FOCAD: variants seen among roughly 807,000 people sequenced by gnomAD.
The protein encoded by FOCAD is KIAA1797.
FOCAD carries 198 observed loss-of-function variants against 225.6 expected under a neutral mutation model. That is an observed-to-expected ratio of 0.88 (90% CI 0.78 to 0.99). The LOEUF is 0.99. FOCAD is among the 50% of genes least tolerant of loss of function. FOCAD has a pLI of 0.00. For synonymous variants in FOCAD, 897 were observed against 755.0 expected (o/e 1.19, Z -3.08); for missense variants, 2,713 against 2,123.6 (o/e 1.28, Z -5.46).
chr9:20,975,140 G>T (rs1840118844), intron 35 of FOCAD, among the ~76,000 whole-genome samples: 1 of 151,946 alleles, frequency 6.6e-6, no homozygotes, highest in South Asian at 2.1e-4. Flanking sequence ...TGTTGATCCT[G>T]CTCCTTTTGC....
At chr9:20,956,750 A>G (rs566490498) in intron 35 of FOCAD, among the ~76,000 whole-genome samples, 48 of 152,092 alleles carry the variant, frequency 3.2e-4, no homozygotes, top group Non-Finnish European at 6.6e-4. Flanking sequence ...AAATGTTTGG[A>G]AGGAAAAATG....
Position 20,929,609 on chromosome 9 carries a change from A to C in FOCAD, c.3317+13A>C. On this transcript the variant is annotated intron_variant, in intron 27 of 43. Transcript: ENST00000338382. The stretch of plus-strand genomic sequence containing the variant: ...AAGAGAAACTCAGGTACAGTTTATT[A>C]AAATATTCCTGCTTTTCTTCTTTGT... The C allele has an allele frequency of 1.2e-6, 2 of 1,605,080 alleles. No homozygotes were observed. The highest frequency in any genetic ancestry group is 1.7e-6 in the Non-Finnish European group (2 of 1,173,176).
intron 43 of FOCAD, among the ~76,000 whole-genome samples, chr9:20,995,091 A>T (rs1400585393): frequency 1.3e-5 from 2 of 152,190 alleles, no homozygotes; most frequent in Non-Finnish European, 2.9e-5. Context: ...GATATACTTT[A>T]GTATGGTCAT....
intron 5 of FOCAD, among the ~76,000 whole-genome samples, chr9:20,743,551 C>T (rs377724415): frequency 6.6e-6 from 1 of 152,092 alleles, no homozygotes; most frequent in Non-Finnish European, 1.5e-5. Flanking sequence ...CCCTTAGCCC[C>T]TCTGAATTTT....
At chr9:20,839,293 C>T (rs1308655609) in intron 15 of FOCAD, among the ~76,000 whole-genome samples, 60 of 143,204 alleles carry the variant, frequency 4.2e-4, no homozygotes, top group African/African-American at 1.4e-3. Flanking sequence ...AGGTTTACTG[C>T]TGTTGCCCAA....
intron 8 of FOCAD, among the ~76,000 whole-genome samples, chr9:20,778,355 C>G (rs1279898813): frequency 1.1e-4 from 16 of 151,906 alleles, no homozygotes; most frequent in Admixed American, 1.0e-3. Flanking sequence ...GCAATTGCCT[C>G]CTGAGTAGCT....
At chr9:20,941,407 G>A (rs1038547532) in intron 28 of FOCAD, among the ~76,000 whole-genome samples, 10 of 152,248 alleles carry the variant, frequency 6.6e-5, no homozygotes, top group South Asian at 4.2e-4. Flanking sequence ...TTTGTAAAGG[G>A]CAAAGCGCTA....
intron 5 of FOCAD, among the ~76,000 whole-genome samples, chr9:20,746,566 T>C (rs1390324453): frequency 6.6e-6 from 1 of 152,246 alleles, no homozygotes; most frequent in Non-Finnish European, 1.5e-5. Flanking sequence ...TCAGTGTTTT[T>C]GCTCTTTGCC....
chr9:20,803,101 T>C (rs995388433), intron 11 of FOCAD, among the ~76,000 whole-genome samples: 1 of 152,144 alleles, frequency 6.6e-6, no homozygotes, highest in Non-Finnish European at 1.5e-5. Context: ...AAATTTTTAA[T>C]GTTAGAGGTG....
At chr9:20,865,420 T>C (rs1829140401) in intron 16 of FOCAD, among the ~76,000 whole-genome samples, 1 of 152,120 alleles carries the variant, frequency 6.6e-6, no homozygotes, top group Non-Finnish European at 1.5e-5. Context: ...ATGGCTTTTA[T>C]GCTTAATCAA....
chr9:20,801,823 A>C (rs565194363), intron 11 of FOCAD, among the ~76,000 whole-genome samples: 1 of 152,284 alleles, frequency 6.6e-6, no homozygotes, highest in Admixed American at 6.5e-5. Flanking sequence ...TGTAATTGAA[A>C]TGATGGGTTA....
At chr9:20,810,446 C>T (rs965694989) in intron 11 of FOCAD, among the ~76,000 whole-genome samples, 1 of 152,070 alleles carries the variant, frequency 6.6e-6, no homozygotes, top group Non-Finnish European at 1.5e-5. Flanking sequence ...AGGACATTGG[C>T]TTTTAACTTT....
intron 16 of FOCAD, among the ~76,000 whole-genome samples, chr9:20,863,741 C>T (rs1828987712): frequency 6.6e-6 from 1 of 152,070 alleles, no homozygotes; most frequent in Non-Finnish European, 1.5e-5. Flanking sequence ...CACAGGGCTA[C>T]TGATAATGAG....
chr9:20,833,367 A>G (rs956936505), intron 15 of FOCAD, among the ~76,000 whole-genome samples: 13 of 152,118 alleles, frequency 8.5e-5, no homozygotes, highest in Non-Finnish European at 1.5e-4. Flanking sequence ...ATTTATATAA[A>G]TAAAAGTTTG....
intron 2 of FOCAD, among the ~76,000 whole-genome samples, chr9:20,716,366 G>A (rs1042006731): frequency 6.6e-6 from 1 of 151,962 alleles, no homozygotes; most frequent in African/African-American, 2.4e-5. Context: ...ATATTGTTTA[G>A]TGTAGGATGG....
chr9:20,839,382 C>T (rs984674756), intron 15 of FOCAD, among the ~76,000 whole-genome samples: 1 of 151,464 alleles, frequency 6.6e-6, no homozygotes, highest in Admixed American at 6.6e-5. Context: ...CTTCACCCTT[C>T]CAAGTAGCTG....
At chr9:20,746,002 A>G (rs947602100) in intron 5 of FOCAD, among the ~76,000 whole-genome samples, 2 of 152,174 alleles carry the variant, frequency 1.3e-5, no homozygotes, top group African/African-American at 4.8e-5. Context: ...CTAAAGGCTG[A>G]GATTTTGTAA....
chr9:20,739,935 A>C (rs796268431), intron 4 of FOCAD, among the ~76,000 whole-genome samples: 9 of 152,228 alleles, frequency 5.9e-5, no homozygotes, highest in African/African-American at 2.2e-4. Context: ...TGGGCAACCA[A>C]TGTGGTCACT....
intron 2 of FOCAD, among the ~76,000 whole-genome samples, chr9:20,670,085 T>A (rs1404230531): frequency 6.6e-6 from 1 of 152,232 alleles, no homozygotes; most frequent in Non-Finnish European, 1.5e-5. Flanking sequence ...TGGTGTTTAT[T>A]AGAGCACTTT....
Sources: allele counts gnomAD v4.1 joint callset (sites outside exome capture counted in the v4.1 genomes callset), GRCh38; gene constraint gnomAD v4.1.1; transcripts MANE v1.5; gene names NCBI Gene and HGNC (gene_info 2026-07-23, HGNC 2026-07-21).